ARMH3: variants seen among roughly 807,000 people sequenced by gnomAD.
ARMH3 encodes armadillo-like helical domain-containing protein 3.
Under a neutral mutation model 99.1 loss-of-function variants are expected in ARMH3, and 60 were observed. That is an observed-to-expected ratio of 0.61 (90% CI 0.49 to 0.75). The LOEUF (loss-of-function observed/expected upper bound fraction) is 0.75. Ranked by LOEUF, ARMH3 falls within the 30% of genes least tolerant of loss-of-function variation. The probability of loss-of-function intolerance (pLI) is 0.00; values close to 1 mark genes in which losing one functional copy is unlikely to be tolerated. For synonymous variants in ARMH3, 285 were observed against 292.8 expected, an observed-to-expected ratio of 0.97 and a Z score of 0.27; for missense variants, 679 against 843.1, an observed-to-expected ratio of 0.81 and a Z score of 2.41.
At chr10:102,030,044 C>T (rs996472558) in intron 4 of ARMH3, among the ~76,000 whole-genome samples, 3 of 151,916 alleles carry the variant, frequency 2.0e-5, no homozygotes, top group Admixed American at 1.3e-4. Context: ...CCTCAGCCTT[C>T]CAAGTAGCTG....
intron 23 of ARMH3, among the ~76,000 whole-genome samples, chr10:101,907,551 T>G (rs1026345842): frequency 2.6e-5 from 4 of 152,072 alleles, no homozygotes; most frequent in African/African-American, 9.7e-5. Flanking sequence ...CCAGCTCATT[T>G]TTTTGTATTT....
intron 22 of ARMH3, among the ~76,000 whole-genome samples, chr10:101,948,182 T>C (rs1005194334): frequency 1.3e-5 from 2 of 152,126 alleles, no homozygotes; most frequent in South Asian, 2.1e-4. Context: ...ACGACCCAAC[T>C]GTAAGCTGTG....
Position 101,984,809 on chromosome 10 carries a change from G to A in ARMH3, c.1406+5742C>T, listed in dbSNP as rs149447866. ...CTGGAGGCCAGGCACAGTGGCTCAC[G>A]CCTGTAATCCCAGCACTTTGGGAGG... On this transcript the variant is annotated intron_variant, in intron 19 of 25. Coordinates refer to ENST00000370033, the MANE Select transcript of ARMH3 (RefSeq NM_024541.3). Among the ~76,000 whole-genome samples the A allele has an allele frequency of 4.1e-3, 628 of 152,020 alleles. 4 individuals carry two copies. Among genetic ancestry groups the A allele is most frequent in the African/African-American group, 0.011 (452 of 41,430 alleles).
chr10:101,952,689 T>C (rs1302112169), intron 22 of ARMH3: 1 of 152,238 alleles, frequency 6.6e-6, no homozygotes, highest in Non-Finnish European at 1.5e-5. Flanking sequence ...TAAGATACTC[T>C]ACTTTTGGAG....
At chr10:101,954,878 T>C (rs1396996065) in intron 22 of ARMH3, among the ~76,000 whole-genome samples, 4 of 152,216 alleles carry the variant, frequency 2.6e-5, no homozygotes, top group Admixed American at 2.0e-4. Flanking sequence ...TCTTATCTTG[T>C]TGCTGTAGCT....
rs1244807567 is a variant in ARMH3, at chr10:101,850,532, C to A, written c.1861-640G>T. ...CTCTGCCTCCTGGGTTCAAGCAATTCTCATGCCTCAACCTCCTGAGTAGCT... is the reference window on the plus strand; with the variant it reads ...CTCTGCCTCCTGGGTTCAAGCAATTATCATGCCTCAACCTCCTGAGTAGCT... On this transcript the variant is annotated intron_variant, in intron 24 of 25. Coordinates refer to ENST00000370033, the MANE Select transcript of ARMH3 (RefSeq NM_024541.3). Among the ~76,000 whole-genome samples the A allele has an allele frequency of 2.6e-5, 4 of 151,792 alleles. No individual in the cohort carries two copies. The East Asian group carries it at 5.8e-4, about 22-fold the overall frequency.
At chr10:101,880,768 C>T (rs1200841173) in intron 24 of ARMH3, among the ~76,000 whole-genome samples, 1 of 152,164 alleles carries the variant, frequency 6.6e-6, no homozygotes, top group African/African-American at 2.4e-5. Flanking sequence ...CTGGCCCTTT[C>T]CCCAAGATCT....
At chr10:101,992,452 A>G (rs1846843573) in intron 17 of ARMH3, among the ~76,000 whole-genome samples, 1 of 152,172 alleles carries the variant, frequency 6.6e-6, no homozygotes, top group Non-Finnish European at 1.5e-5. Flanking sequence ...CAACAGTAGT[A>G]GTTGCAAAAA....
chr10:101,872,614 C>G (rs2135372598), intron 24 of ARMH3, among the ~76,000 whole-genome samples: 1 of 152,260 alleles, frequency 6.6e-6, no homozygotes, highest in South Asian at 2.1e-4. Flanking sequence ...AGGAGAATCA[C>G]TTGAACTTGC....
At chr10:101,946,588 A>G (rs575080373) in intron 22 of ARMH3, among the ~76,000 whole-genome samples, 1 of 152,320 alleles carries the variant, frequency 6.6e-6, no homozygotes, top group Admixed American at 6.5e-5. Flanking sequence ...CAGTGAACAT[A>G]AAGTATAATA....
chr10:102,051,157 C>CA (rs774209681), intron 1 of ARMH3, among the ~76,000 whole-genome samples: 676 of 56,780 alleles, frequency 0.012, no homozygotes, highest in Admixed American at 0.024. Flanking sequence ...GACTCTGTCT[C>CA]AAAAAAAAAA....
intron 20 of ARMH3, among the ~76,000 whole-genome samples, chr10:101,965,661 T>G (rs1273218729): frequency 6.6e-6 from 1 of 152,216 alleles, no homozygotes; most frequent in African/African-American, 2.4e-5. Context: ...ATTACTGCAG[T>G]AAAATATTTG....
intron 24 of ARMH3, among the ~76,000 whole-genome samples, chr10:101,874,254 G>A (rs1254833973): frequency 6.6e-6 from 1 of 151,880 alleles, no homozygotes; most frequent in East Asian, 1.9e-4. Context: ...TTTATTATAT[G>A]TTAATTATAC....
chr10:102,033,601 G>T (rs1322694312), intron 2 of ARMH3, among the ~76,000 whole-genome samples: 1 of 152,058 alleles, frequency 6.6e-6, no homozygotes, highest in Non-Finnish European at 1.5e-5. Context: ...TGTATTTTCA[G>T]TAGAGACAGG....
intron 5 of ARMH3, chr10:102,029,412 T>C (rs1182958729): frequency 6.6e-6 from 10 of 1,511,318 alleles, no homozygotes; most frequent in Non-Finnish European, 8.9e-6. Context: ...AACTATTCTG[T>C]CTTTATCCCG....
At chr10:101,852,789 A>G (rs955182008) in intron 24 of ARMH3, among the ~76,000 whole-genome samples, 2 of 151,890 alleles carry the variant, frequency 1.3e-5, no homozygotes, top group African/African-American at 4.8e-5. Context: ...AAAGAAAAAA[A>G]TCCAGAAGCC....
At chr10:101,962,674 G>C (rs1377417107) in intron 20 of ARMH3, among the ~76,000 whole-genome samples, 3 of 152,106 alleles carry the variant, frequency 2.0e-5, no homozygotes, top group Non-Finnish European at 4.4e-5. Context: ...ATTCAGAAAG[G>C]TTAAATAAAT....
chr10:101,940,584 A>C (rs1844195349), intron 22 of ARMH3, among the ~76,000 whole-genome samples: 1 of 151,982 alleles, frequency 6.6e-6, no homozygotes. Flanking sequence ...TATATCTCCT[A>C]ATGCTATCCC....
chr10:102,044,795 A>G (rs1454979195), intron 1 of ARMH3, among the ~76,000 whole-genome samples: 5 of 152,144 alleles, frequency 3.3e-5, no homozygotes, highest in Non-Finnish European at 7.3e-5. Flanking sequence ...GAAGGAAAAG[A>G]AGAGAAGAAA....
Sources: gnomAD v4.1 joint callset for allele counts (sites outside exome capture counted in the v4.1 genomes callset) on GRCh38, gnomAD v4.1.1 for gene constraint, MANE v1.5 for transcripts, NCBI Gene and HGNC (gene_info 2026-07-23, HGNC 2026-07-21) for gene names.